Variants in FKBP15 observed in about 807,000 individuals in gnomAD.
FKBP15 encodes the protein FK506-binding protein 15.
FKBP15 carries 106 observed loss-of-function variants against 158.1 expected under a neutral mutation model. The observed-to-expected ratio is 0.67, with a 90% CI of 0.57 to 0.79. The LOEUF is 0.79. Among genes scored for constraint, FKBP15 ranks in the 30% least tolerant of loss-of-function variants. The pLI is 0.00. For missense variants in FKBP15, 1,287 were observed against 1,479.1 expected (o/e 0.87, Z 2.13); for synonymous variants, 547 against 548.6 (o/e 1.00, Z 0.04).
chr9:113,215,625 T>TAC (rs1831109260), intron 1 of FKBP15, among the ~76,000 whole-genome samples: 1 of 112,732 alleles, frequency 8.9e-6, no homozygotes, highest in Non-Finnish European at 1.7e-5. Flanking sequence ...TGTGTGTGTG[T>TAC]ATATATATAT....
chr9:113,172,381 G>A (rs1250350884), intron 23 of FKBP15, among the ~76,000 whole-genome samples: 1 of 152,096 alleles, frequency 6.6e-6, no homozygotes, highest in Non-Finnish European at 1.5e-5. Context: ...GGATTGCTGG[G>A]TCAAATGGTA....
intron 1 of FKBP15, among the ~76,000 whole-genome samples, chr9:113,216,907 T>TC (rs1389968932): frequency 1.6e-4 from 11 of 69,000 alleles, no homozygotes; most frequent in Non-Finnish European, 3.4e-4. Flanking sequence ...CCATTTTCTT[T>TC]TTTTTTTTTT....
chr9:113,215,133 T>C (rs1831093034), intron 1 of FKBP15, among the ~76,000 whole-genome samples: 1 of 152,230 alleles, frequency 6.6e-6, no homozygotes. Context: ...CACTTTTAAT[T>C]TCCTTTAAGA....
intron 12 of FKBP15, among the ~76,000 whole-genome samples, chr9:113,190,210 A>G (rs1268612471): frequency 6.6e-6 from 1 of 152,242 alleles, no homozygotes; most frequent in East Asian, 1.9e-4. Context: ...TAGTAACAAC[A>G]GAGATTCTAG....
Position 113,169,662 on chromosome 9 carries a change from G to T in FKBP15, c.3047C>A (p.Ala1016Glu), listed in dbSNP as rs1308738465. ...HRRKGDSEAE[A>E]LSEIKDGSLP... ...GGAACCATCTTTTATCTCTGAGAGT[G>T]CCTCAGCTTCTGAGTCCCCTTTCCT... is the stretch of plus-strand genomic sequence containing the variant. The change falls in exon 26 of 28, where the codon GCA becomes GAA. Residue 1016 changes from alanine (A) to glutamate (E), a missense_variant. Physicochemically the swap from Ala to Glu is moderately radical, Grantham distance 107. Coordinates refer to ENST00000238256, the MANE Select transcript of FKBP15 (RefSeq NM_015258.2). The T allele has an allele frequency of 1.2e-6, 2 of 1,613,826 alleles. No homozygotes were observed. The highest frequency in any genetic ancestry group is 1.3e-5 in the African/African-American group (1 of 74,896).
chr9:113,218,596 C>A (rs1831192557), intron 1 of FKBP15, among the ~76,000 whole-genome samples: 1 of 152,040 alleles, frequency 6.6e-6, no homozygotes, highest in Non-Finnish European at 1.5e-5. Flanking sequence ...AACTCAGATA[C>A]CCCTGCAAGG....
chr9:113,215,642 A>ATTTTT (rs1564192881), intron 1 of FKBP15, among the ~76,000 whole-genome samples: 27 of 82,554 alleles, frequency 3.3e-4, no homozygotes, highest in Admixed American at 9.6e-4. Flanking sequence ...ATATATATAT[A>ATTTTT]TATTTTTTTT....
intron 19 of FKBP15, among the ~76,000 whole-genome samples, chr9:113,182,328 G>A (rs950311110): frequency 1.3e-5 from 2 of 152,156 alleles, no homozygotes; most frequent in Non-Finnish European, 2.9e-5. Flanking sequence ...TACTGCTACT[G>A]CAGGAACAGG....
intron 1 of FKBP15, among the ~76,000 whole-genome samples, chr9:113,217,702 G>A (rs527496463): frequency 2.7e-4 from 41 of 152,128 alleles, no homozygotes; most frequent in African/African-American, 8.9e-4. Flanking sequence ...TTAGCCAGGC[G>A]TGGTGGCATG....
intron 1 of FKBP15, among the ~76,000 whole-genome samples, chr9:113,214,712 T>C (rs775547463): frequency 7.2e-5 from 11 of 152,260 alleles, no homozygotes; most frequent in Non-Finnish European, 1.6e-4. Flanking sequence ...ACTTCTCCTC[T>C]CTAGCCATGA....
intron 4 of FKBP15, among the ~76,000 whole-genome samples, chr9:113,203,493 A>G (rs1488359938): frequency 6.6e-6 from 1 of 151,520 alleles, no homozygotes; most frequent in Non-Finnish European, 1.5e-5. Context: ...CCCTGAGATA[A>G]CCAATATTCT....
chr9:113,180,278 G>A (rs1269575197), intron 19 of FKBP15, among the ~76,000 whole-genome samples: 1 of 151,902 alleles, frequency 6.6e-6, no homozygotes, highest in Non-Finnish European at 1.5e-5. Context: ...CAGAAAATAA[G>A]GGAATGGATA....
rs113785339 is a variant in FKBP15 at position 113,201,547 on chromosome 9, C to A, written c.498+984G>T. 3.2e-3 allele frequency among the ~76,000 whole-genome samples: 483 copies of A among 152,156 alleles called. 1 individual carries two copies. The highest frequency in any genetic ancestry group is 0.011 in the African/African-American group (466 of 41,508). ...AGTAAGTAAGCCAGGAGGGTGGAGC[C>A]CTCATGAATGGGATTAGGGACCTTA... On this transcript the variant is annotated intron_variant, in intron 6 of 27. Transcript: ENST00000238256.
chr9:113,188,526 C>T lies in FKBP15; in HGVS notation c.1174-35G>A, dbSNP rs373594534. 2.0e-5 allele frequency: 31 copies of T among 1,556,394 alleles called. No individual in the cohort carries two copies. The African/African-American group carries it at 3.5e-4, about 18-fold the overall frequency. On this transcript the variant is annotated intron_variant, in intron 12 of 27. Transcript: ENST00000238256. ...GAACAAGCGTTTGGGTTACTCTGTA[C>T]GGGGTCCCTCATTGAAGACTGAGGC...
At chr9:113,191,242 G>A (rs965805744) in intron 11 of FKBP15, among the ~76,000 whole-genome samples, 1 of 151,206 alleles carries the variant, frequency 6.6e-6, no homozygotes, top group African/African-American at 2.4e-5. Flanking sequence ...GCGTGATCTC[G>A]GCTCACTGCA....
intron 20 of FKBP15, among the ~76,000 whole-genome samples, chr9:113,177,347 T>C (rs1469482611): frequency 1.3e-5 from 2 of 152,202 alleles, no homozygotes; most frequent in East Asian, 3.9e-4. Context: ...ATAAAATTTG[T>C]TTGGGAAACT....
At position 113,215,736 on chromosome 9, in the gene FKBP15, G is replaced by A. The variant is rs773122676; in HGVS notation, c.54-4144C>T. Among the ~76,000 whole-genome samples the A allele has an allele frequency of 1.7e-3, 228 of 137,006 alleles. 1 individual carries two copies. Among genetic ancestry groups the A allele is most frequent in the Admixed American group, 2.7e-3 (33 of 12,360 alleles). 89.9% of individuals were successfully genotyped at this position (137,006 alleles called of 152,430 possible). A position where few individuals can be genotyped will look rare whatever the true frequency, so the allele number is the denominator to read the frequency against. On this transcript the variant is annotated intron_variant, in intron 1 of 27. Transcript: ENST00000238256. ...CCAATCTCGGCTCACTACAACCTCC[G>A]CCTCCTGGGTTCAAGCGATTCACAT...
At chr9:113,196,215 C>G (rs897836361) in intron 9 of FKBP15, among the ~76,000 whole-genome samples, 1 of 152,000 alleles carries the variant, frequency 6.6e-6, no homozygotes, top group Non-Finnish European at 1.5e-5. Flanking sequence ...TACTATGTGG[C>G]AGAGGTAGTC....
At chr9:113,187,442 C>T in intron 14 of FKBP15, 1 of 217,808 alleles carries the variant, frequency 4.6e-6, no homozygotes, top group Non-Finnish European at 9.4e-6. Flanking sequence ...GCTGAATATA[C>T]TGCAGAATGT....
Sources: allele counts gnomAD v4.1 joint callset (sites outside exome capture counted in the v4.1 genomes callset), GRCh38; gene constraint gnomAD v4.1.1; transcripts MANE v1.5; gene names NCBI Gene and HGNC (gene_info 2026-07-23, HGNC 2026-07-21).